The following NALCN variants were observed in gnomAD, a reference collection of about 807,000 sequenced individuals.
The protein encoded by NALCN is sodium leak channel, non-selective.
NALCN carries 111 observed loss-of-function variants against 225.3 expected under a neutral mutation model. That is an observed-to-expected ratio of 0.49 (90% CI 0.42 to 0.58). The LOEUF is 0.58. Among genes scored for constraint, NALCN ranks in the 20% least tolerant of loss-of-function variants. NALCN has a pLI of 0.00. For missense variants in NALCN, 1,378 were observed against 2,202.4 expected, an observed-to-expected ratio of 0.63 and a Z score of 7.49; for synonymous variants, 764 against 769.0, an observed-to-expected ratio of 0.99 and a Z score of 0.11.
chr13:101,236,966 AT>A (rs2041583463), intron 12 of NALCN, among the ~76,000 whole-genome samples: 10 of 150,802 alleles, frequency 6.6e-5, no homozygotes, highest in Admixed American at 6.6e-4. Flanking sequence ...ATAAAATAAA[AT>A]AAAATAAAAA....
chr13:101,136,630 G>T (rs566832871), intron 17 of NALCN, among the ~76,000 whole-genome samples: 2 of 152,180 alleles, frequency 1.3e-5, no homozygotes, highest in African/African-American at 4.8e-5. Context: ...CAAAGGACAT[G>T]AACTCATCCT....
intron 3 of NALCN, among the ~76,000 whole-genome samples, chr13:101,381,615 A>T (rs2046850586): frequency 6.6e-6 from 1 of 151,934 alleles, no homozygotes; most frequent in South Asian, 2.1e-4. Flanking sequence ...TCCCTCCCTT[A>T]CTTCCTTCTT....
intron 1 of NALCN, among the ~76,000 whole-genome samples, chr13:101,401,273 T>C (rs1356731294): frequency 6.6e-6 from 1 of 152,180 alleles, no homozygotes; most frequent in Non-Finnish European, 1.5e-5. Context: ...TGTTAATGTA[T>C]ACAGAGTATT....
At chr13:101,158,359 T>C (rs1416722785) in intron 15 of NALCN, among the ~76,000 whole-genome samples, 1 of 152,234 alleles carries the variant, frequency 6.6e-6, no homozygotes, top group East Asian at 1.9e-4. Flanking sequence ...ATGTCTTGGC[T>C]TGGCCTCTGC....
chr13:101,384,128 T>C (rs986097168), intron 3 of NALCN, among the ~76,000 whole-genome samples: 9 of 152,196 alleles, frequency 5.9e-5, no homozygotes, highest in Admixed American at 1.3e-4. Context: ...AAAATTCTAC[T>C]GTATTGAGGC....
intron 35 of NALCN, among the ~76,000 whole-genome samples, chr13:101,075,593 G>A (rs1206999472): frequency 1.3e-5 from 2 of 151,474 alleles, no homozygotes; most frequent in African/African-American, 4.8e-5. Context: ...TTGTTTTCAT[G>A]ACTGGTTATC....
chr13:101,410,864 C>A (rs2047759963), intron 1 of NALCN, among the ~76,000 whole-genome samples: 1 of 152,142 alleles, frequency 6.6e-6, no homozygotes, highest in Non-Finnish European at 1.5e-5. Flanking sequence ...TATTTTTAAC[C>A]TAGGACTCCC....
At chr13:101,190,178 A>G (rs539334747) in intron 14 of NALCN, among the ~76,000 whole-genome samples, 1 of 152,204 alleles carries the variant, frequency 6.6e-6, no homozygotes, top group Non-Finnish European at 1.5e-5. Flanking sequence ...ATTTTCAGTG[A>G]GGAAAGTAAA....
intron 14 of NALCN, among the ~76,000 whole-genome samples, chr13:101,188,109 A>G (rs1402546408): frequency 6.6e-6 from 1 of 152,172 alleles, no homozygotes; most frequent in Non-Finnish European, 1.5e-5. Context: ...CAGCATTATA[A>G]AAGTACAACT....
At chr13:101,356,136 C>A (rs1253902560) in intron 6 of NALCN, among the ~76,000 whole-genome samples, 1 of 151,938 alleles carries the variant, frequency 6.6e-6, no homozygotes, top group East Asian at 1.9e-4. Context: ...ATGAAAAGAA[C>A]TAGAGAAGCA....
intron 13 of NALCN, 110 bp downstream of exon 13, chr13:101,229,283 A>T (rs999339392): frequency 9.4e-7 from 1 of 1,068,864 alleles, no homozygotes; most frequent in Non-Finnish European, 1.3e-6. Flanking sequence ...CCAAGTTATC[A>T]AAAATAGGAT....
chr13:101,075,027 G>C (rs2033161874), intron 35 of NALCN, among the ~76,000 whole-genome samples: 1 of 152,002 alleles, frequency 6.6e-6, no homozygotes, highest in South Asian at 2.1e-4. Flanking sequence ...TTGACTGACA[G>C]CAAGTAAACT....
chr13:101,272,851 G>C (rs1431518160), intron 10 of NALCN, among the ~76,000 whole-genome samples: 1 of 152,140 alleles, frequency 6.6e-6, no homozygotes, highest in Non-Finnish European at 1.5e-5. Context: ...TTTCAGGAGT[G>C]CCTAGGATGT....
chr13:101,140,910 G>T (rs146057617), intron 17 of NALCN, among the ~76,000 whole-genome samples: 10 of 152,196 alleles, frequency 6.6e-5, no homozygotes, highest in Non-Finnish European at 1.0e-4. Flanking sequence ...ACCCCAGCCT[G>T]GGCAACACAG....
At position 101,304,758 on chromosome 13, in the gene NALCN, C is replaced by CTT. The variant is rs769247590; in HGVS notation, c.800-12394_800-12393dup. ...TGGCCTGGAATAATTTTTTTCTTTT[C>CTT]TTTTTTTTTTTTTTTTGAGACGGAA... On this transcript the variant is annotated intron_variant, in intron 7 of 43. Coordinates refer to ENST00000251127, the MANE Select transcript of NALCN (RefSeq NM_052867.4). 1.7e-3 allele frequency among the ~76,000 whole-genome samples: 212 copies of CTT among 122,762 alleles called. 4 individuals carry two copies. The highest frequency in any genetic ancestry group is 5.6e-3 in the Middle Eastern group (1 of 178). The allele number at this position is 122,762 out of a possible 152,430, so 80.5% of individuals were successfully genotyped here. A position where few individuals can be genotyped will look rare whatever the true frequency, so the allele number is the denominator to read the frequency against.
intron 17 of NALCN, among the ~76,000 whole-genome samples, chr13:101,129,467 C>G (rs938826711): frequency 1.3e-5 from 2 of 152,120 alleles, no homozygotes; most frequent in African/African-American, 4.8e-5. Context: ...ATATGACCCT[C>G]GTAGTCTTTG....
Position 101,103,752 on chromosome 13 carries a change from A to G in NALCN, c.2890-413T>C, listed in dbSNP as rs955169807. 3.3e-5 allele frequency among the ~76,000 whole-genome samples: 5 copies of G among 152,118 alleles called. No individual in the cohort carries two copies. The East Asian group carries it at 9.6e-4, about 29-fold the overall frequency. On this transcript the variant is annotated intron_variant, in intron 25 of 43. Transcript: ENST00000251127. ...TTGTCTCTGCAAAGACATTGATTTC[A>G]TGCCTCCTTGGACATACAGGAAAAA... is the stretch of plus-strand genomic sequence containing the variant.
At chr13:101,139,807 C>T (rs1213677962) in intron 17 of NALCN, among the ~76,000 whole-genome samples, 1 of 152,106 alleles carries the variant, frequency 6.6e-6, no homozygotes, top group African/African-American at 2.4e-5. Context: ...TTTCGGGTTT[C>T]TTAATAAAAA....
chr13:101,263,106 G>A (rs941269586), intron 10 of NALCN, among the ~76,000 whole-genome samples: 7 of 152,158 alleles, frequency 4.6e-5, no homozygotes, highest in African/African-American at 1.4e-4. Context: ...ACATTGATAA[G>A]GATCTAATAA....
Sources: allele counts gnomAD v4.1 joint callset (sites outside exome capture counted in the v4.1 genomes callset), GRCh38; gene constraint gnomAD v4.1.1; transcripts MANE v1.5; gene names NCBI Gene and HGNC (gene_info 2026-07-23, HGNC 2026-07-21).